The following UNC5D variants were observed in gnomAD, a reference collection of about 807,000 sequenced individuals.
The protein encoded by UNC5D is netrin receptor UNC5D.
A neutral mutation model predicts 105.4 loss-of-function variants in UNC5D; 39 were observed. The observed-to-expected ratio is 0.37, with a 90% confidence interval of 0.29 to 0.48. The LOEUF is 0.48. UNC5D is among the 20% of genes least tolerant of loss of function. The probability of loss-of-function intolerance (pLI) is 0.98; values close to 1 mark genes in which losing one functional copy is unlikely to be tolerated. For missense variants in UNC5D, 991 were observed against 1,202.4 expected (o/e 0.82, Z 2.60); for synonymous variants, 452 against 450.4 (o/e 1.00, Z -0.04).
intron 1 of UNC5D, among the ~76,000 whole-genome samples, chr8:35,358,925 A>G (rs539008650): frequency 6.6e-6 from 1 of 152,350 alleles, no homozygotes; most frequent in South Asian, 2.1e-4. Flanking sequence ...TGAGTTAAGA[A>G]TTGGTATATT....
intron 1 of UNC5D, among the ~76,000 whole-genome samples, chr8:35,402,168 A>G (rs1319466183): frequency 2.0e-5 from 3 of 152,138 alleles, no homozygotes; most frequent in African/African-American, 4.8e-5. Flanking sequence ...TATTTCATTT[A>G]TCTGTCATTA....
intron 11 of UNC5D, among the ~76,000 whole-genome samples, chr8:35,731,399 C>CCAAA: frequency 3.3e-5 from 1 of 30,662 alleles, no homozygotes; most frequent in African/African-American, 6.4e-5. Flanking sequence ...ACTCTGTCTC[C>CCAAA]AAAAAAAAAA....
intron 1 of UNC5D, among the ~76,000 whole-genome samples, chr8:35,348,103 C>A (rs1014615084): frequency 1.2e-4 from 18 of 151,804 alleles, no homozygotes; most frequent in Non-Finnish European, 1.5e-5. Flanking sequence ...TGACATTATC[C>A]CCACCTCTCC....
At chr8:35,646,017 C>G (rs1186742419) in intron 4 of UNC5D, among the ~76,000 whole-genome samples, 1 of 152,008 alleles carries the variant, frequency 6.6e-6, no homozygotes, top group Admixed American at 6.6e-5. Context: ...AGACTGTCAA[C>G]CCAGGAAGTG....
intron 1 of UNC5D, among the ~76,000 whole-genome samples, chr8:35,328,923 C>T (rs1434353363): frequency 6.6e-6 from 1 of 152,056 alleles, no homozygotes; most frequent in Non-Finnish European, 1.5e-5. Context: ...GTCTTTTTCT[C>T]CTTCTCACAT....
chr8:35,428,875 C>A (rs963095705), intron 1 of UNC5D, among the ~76,000 whole-genome samples: 2 of 151,884 alleles, frequency 1.3e-5, no homozygotes, highest in Non-Finnish European at 2.9e-5. Flanking sequence ...TTGTGAAAGG[C>A]TTTATTGACT....
chr8:35,409,840 G>T (rs1585776105), intron 1 of UNC5D, among the ~76,000 whole-genome samples: 2 of 151,606 alleles, frequency 1.3e-5, no homozygotes, highest in Non-Finnish European at 2.9e-5. Flanking sequence ...TATTTTTAAA[G>T]AAATATTATA....
chr8:35,411,431 C>A (rs1805158558), intron 1 of UNC5D, among the ~76,000 whole-genome samples: 1 of 152,074 alleles, frequency 6.6e-6, no homozygotes, highest in African/African-American at 2.4e-5. Flanking sequence ...TAGCAGCACT[C>A]TTTCCTAACC....
At chr8:35,368,865 G>A (rs1802278794) in intron 1 of UNC5D, among the ~76,000 whole-genome samples, 2 of 151,964 alleles carry the variant, frequency 1.3e-5, no homozygotes, top group African/African-American at 4.8e-5. Flanking sequence ...ACAGTAAGAG[G>A]GTGTCTGTTT....
chr8:35,536,536 G>C (rs1814854062), intron 1 of UNC5D, among the ~76,000 whole-genome samples: 1 of 152,090 alleles, frequency 6.6e-6, no homozygotes, highest in East Asian at 1.9e-4. Flanking sequence ...ATTTTTTAAA[G>C]ATGTATGTTC....
At chr8:35,752,134 C>T (rs978246232) in intron 13 of UNC5D, among the ~76,000 whole-genome samples, 3 of 152,108 alleles carry the variant, frequency 2.0e-5, no homozygotes, top group Non-Finnish European at 4.4e-5. Context: ...GTTCAAGGTT[C>T]CTTTCCATTT....
chr8:35,466,859 A>C (rs1380332099), intron 1 of UNC5D, among the ~76,000 whole-genome samples: 7 of 152,332 alleles, frequency 4.6e-5, no homozygotes, highest in African/African-American at 1.7e-4. Flanking sequence ...AGTATAGGCC[A>C]ATGGTGGATT....
intron 3 of UNC5D, among the ~76,000 whole-genome samples, chr8:35,572,428 C>T (rs1272823219): frequency 6.6e-6 from 1 of 151,846 alleles, no homozygotes; most frequent in African/African-American, 2.4e-5. Context: ...CCAATGTTTA[C>T]AAAAACACCA....
chr8:35,603,641 G>A (rs1244474979), intron 4 of UNC5D, among the ~76,000 whole-genome samples: 3 of 151,974 alleles, frequency 2.0e-5, no homozygotes, highest in Non-Finnish European at 4.4e-5. Context: ...TTGACAGTGG[G>A]GTGTTAAAGT....
rs1824988705 is a variant in UNC5D at position 35,673,649 on chromosome 8, C to T, written c.571-9898C>T. The stretch of plus-strand genomic sequence containing the variant: ...ATAGTGTATTGAATGACAATATGTT[C>T]ACTTGTGAGTGTAAAGACAATGGCC... On this transcript the variant is annotated intron_variant, in intron 4 of 16. Transcript: ENST00000404895. Among the ~76,000 whole-genome samples the T allele has an allele frequency of 2.0e-5, 3 of 152,126 alleles. No individual in the cohort carries two copies. In the South Asian group the frequency reaches 6.2e-4, roughly 32 times the overall value.
intron 4 of UNC5D, among the ~76,000 whole-genome samples, chr8:35,631,313 C>CAAA (rs34641053): frequency 0.011 from 1,650 of 145,742 alleles, 39 homozygotes; most frequent in African/African-American, 0.04. Context: ...GACCCTGTCT[C>CAAA]AAAAAAAAAA....
chr8:35,768,910 T>A (rs896934942), intron 15 of UNC5D, among the ~76,000 whole-genome samples: 5 of 152,188 alleles, frequency 3.3e-5, no homozygotes, highest in African/African-American at 1.2e-4. Flanking sequence ...TGCTGCATTT[T>A]AGAGGCTTTA....
chr8:35,422,162 C>A (rs143844864), intron 1 of UNC5D, among the ~76,000 whole-genome samples: 1 of 152,296 alleles, frequency 6.6e-6, no homozygotes, highest in East Asian at 1.9e-4. Flanking sequence ...CACCAGTTGT[C>A]ACCGGTTGCA....
chr8:35,307,760 T>C (rs1808532586), intron 1 of UNC5D, among the ~76,000 whole-genome samples: 1 of 152,106 alleles, frequency 6.6e-6, no homozygotes, highest in Non-Finnish European at 1.5e-5. Context: ...TGCTGTGGGA[T>C]AGAATTGACC....
Sources: gnomAD v4.1 joint callset for allele counts (sites outside exome capture counted in the v4.1 genomes callset) on GRCh38, gnomAD v4.1.1 for gene constraint, MANE v1.5 for transcripts, NCBI Gene and HGNC (gene_info 2026-07-23, HGNC 2026-07-21) for gene names.